The following EPG5 variants were observed in gnomAD, a reference collection of about 807,000 sequenced individuals.
EPG5 encodes ectopic P-granules 5 autophagy tethering factor.
In EPG5, 159 loss-of-function variants were observed where a neutral mutation model predicts 302.7. That is an observed-to-expected ratio of 0.53 (90% confidence interval 0.46 to 0.60). The LOEUF (loss-of-function observed/expected upper bound fraction) is 0.60, where lower values mean the gene tolerates loss of function less well. Ranked by LOEUF, EPG5 falls within the 20% of genes least tolerant of loss-of-function variation. EPG5 has a pLI of 0.00. For missense variants in EPG5, 2,896 were observed against 3,092.4 expected (o/e 0.94, Z 1.51); for synonymous variants, 1,158 against 1,136.8 (o/e 1.02, Z -0.37).
chr18:45,954,579 A>G lies in EPG5; in HGVS notation c.823T>C (p.Tyr275His). The G allele has an allele frequency of 3.7e-6, 6 of 1,614,270 alleles. No individual in the cohort carries two copies. The highest frequency in any genetic ancestry group is 5.1e-6 in the Non-Finnish European group (6 of 1,180,042). ...GCCATGCTGTCAAATTCTTCTAAAT[A>G]TGACTCAACATTTTCCAGCCATGAA... ...PGSWLENVES[Y>H]LEEFDSMAHQ... The change falls in exon 2 of 44, where the codon TAT becomes CAT. Residue 275 changes from tyrosine to histidine, a missense_variant. Physicochemically the swap from Tyr to His is moderately conservative, Grantham distance 83. Around this residue, in one of 5 missense-constraint regions of EPG5, gnomAD observed 1,390 missense variants for 1,430.0 expected, o/e 0.97. Transcript: ENST00000282041.
the EPG5 span, among the ~76,000 whole-genome samples, chr18:45,811,449 G>C: frequency 3.9e-5 from 6 of 152,036 alleles, no homozygotes; most frequent in African/African-American, 1.2e-4. Flanking sequence ...GCCTGACAGA[G>C]ACACACACAC....
chr18:45,920,678 A>G (rs889069223), intron 16 of EPG5, among the ~76,000 whole-genome samples: 2 of 152,168 alleles, frequency 1.3e-5, no homozygotes. Context: ...CTAAGAGACA[A>G]GAACTCATTC....
intron 39 of EPG5, among the ~76,000 whole-genome samples, chr18:45,863,337 A>T: frequency 6.6e-6 from 1 of 152,042 alleles, no homozygotes; most frequent in East Asian, 1.9e-4. Context: ...CACTTTCTCC[A>T]TGCTTCCTTT....
At position 45,857,021 on chromosome 18, in the gene EPG5, C is replaced by G. The variant is rs149098169; in HGVS notation, c.7442+832G>C. 3.5e-3 allele frequency among the ~76,000 whole-genome samples: 527 copies of G among 152,184 alleles called. 10 individuals are homozygous for G. The East Asian group carries it at 0.056, about 16-fold the overall frequency. On this transcript the variant is annotated intron_variant, in intron 42 of 43. Transcript: ENST00000282041. ...GCAACCTCTGCCTCCTGGGTTTAAG[C>G]AATTCTCCTGCCTCAGCCTCCTGAG...
the EPG5 span, among the ~76,000 whole-genome samples, chr18:45,815,839 C>T: frequency 1.3e-5 from 2 of 152,266 alleles, no homozygotes; most frequent in South Asian, 4.2e-4. Context: ...CAAAGCAAGA[C>T]TAAGCAAAAA....
chr18:45,811,262 C>A, the EPG5 span, among the ~76,000 whole-genome samples: 1 of 152,116 alleles, frequency 6.6e-6, no homozygotes. Context: ...ACCTAGAAAA[C>A]CCTAACAATT....
rs12608424 is a variant in EPG5, at chr18:45,904,701, C to A, written c.4330-584G>T. ...ACTTATAAGACATATCAACCAATCA[C>A]AACATGTGGATCCTGATTTAAACTA... On this transcript the variant is annotated intron_variant, in intron 24 of 43. Coordinates refer to ENST00000282041, the MANE Select transcript of EPG5 (RefSeq NM_020964.3). Among the ~76,000 whole-genome samples, 295 of 151,884 alleles carry A rather than the reference C, an allele frequency of 1.9e-3. 9 individuals are homozygous for A. The East Asian group carries it at 0.055, about 28-fold the overall frequency.
chr18:45,845,968 A>G (rs544143379), downstream of EPG5, among the ~76,000 whole-genome samples: 1 of 152,176 alleles, frequency 6.6e-6, no homozygotes, highest in Non-Finnish European at 1.5e-5. Flanking sequence ...CTGCCTTGAG[A>G]TGGAAATGAG....
chr18:45,953,456 C>A (rs143871447), intron 2 of EPG5: 2 of 985,226 alleles, frequency 2.0e-6, no homozygotes, highest in African/African-American at 3.5e-5. Flanking sequence ...CAGAGATATA[C>A]AGGTCTGCCA....
intron 28 of EPG5, among the ~76,000 whole-genome samples, chr18:45,888,419 T>C (rs2049265348): frequency 6.6e-6 from 1 of 152,130 alleles, no homozygotes. Flanking sequence ...TTCTAACACC[T>C]CAGCCTCCCA....
chr18:45,833,242 CCA>C, the EPG5 span, among the ~76,000 whole-genome samples: 7 of 152,158 alleles, frequency 4.6e-5, no homozygotes, highest in Admixed American at 1.3e-4. Context: ...TCTGCAAACC[CCA>C]GTTTCCCCTT....
the EPG5 span, among the ~76,000 whole-genome samples, chr18:45,830,889 C>T: frequency 1.8e-4 from 27 of 152,088 alleles, no homozygotes; most frequent in East Asian, 3.9e-4. Context: ...TGAGCCACCG[C>T]GCTTGGCCAG....
chr18:45,910,456 T>A, intron 23 of EPG5, 65 bp downstream of exon 23: 1 of 1,239,700 alleles, frequency 8.1e-7, no homozygotes, highest in Non-Finnish European at 1.1e-6. Flanking sequence ...GTAACACAGT[T>A]AACTGCTCCA....
chr18:45,928,730 G>A (rs755983827), intron 13 of EPG5, 139 bp downstream of exon 13: 47 of 687,052 alleles, frequency 6.8e-5, no homozygotes, highest in Non-Finnish European at 9.6e-5. Flanking sequence ...CACAGAGGCT[G>A]GCACAGTAAA....
the EPG5 span, among the ~76,000 whole-genome samples, chr18:45,820,615 A>C: frequency 8.0e-6 from 1 of 125,046 alleles, no homozygotes; most frequent in African/African-American, 2.8e-5. Flanking sequence ...TGCTGCTGAG[A>C]TTGACACCTC....
intron 9 of EPG5, among the ~76,000 whole-genome samples, chr18:45,940,910 G>A (rs189914370): frequency 6.6e-6 from 1 of 152,184 alleles, no homozygotes; most frequent in Non-Finnish European, 1.5e-5. Flanking sequence ...AGGGGGGAGA[G>A]TGAGTTCATT....
At chr18:45,966,065 CA>C (rs1248599532) in intron 1 of EPG5, among the ~76,000 whole-genome samples, 2 of 145,202 alleles carry the variant, frequency 1.4e-5, no homozygotes, top group African/African-American at 2.6e-5. Context: ...CATATCAAAA[CA>C]AAAACAAAAA....
chr18:45,958,584 G>C (rs1210781309), intron 1 of EPG5, among the ~76,000 whole-genome samples: 2 of 152,158 alleles, frequency 1.3e-5, no homozygotes, highest in Non-Finnish European at 2.9e-5. Context: ...TGAACAAATG[G>C]TGCTACAACA....
chr18:45,884,061 TA>T (rs1479769241), intron 30 of EPG5, among the ~76,000 whole-genome samples: 4 of 152,122 alleles, frequency 2.6e-5, no homozygotes, highest in African/African-American at 9.6e-5. Flanking sequence ...GGATAAATTT[TA>T]AAAAAGGATG....
Sources: gnomAD v4.1 joint callset for allele counts (sites outside exome capture counted in the v4.1 genomes callset) on GRCh38, gnomAD v4.1.1 for gene constraint, gnomAD v4.1.1 regional missense constraint, MANE v1.5 for transcripts, NCBI Gene and HGNC (gene_info 2026-07-23, HGNC 2026-07-21) for gene names.